MAGI1: variants seen among roughly 807,000 people sequenced by gnomAD.
The protein encoded by MAGI1 is membrane-associated guanylate kinase, WW and PDZ domain-containing protein 1.
MAGI1 carries 58 observed loss-of-function variants against 139.9 expected under a neutral mutation model. That is an observed-to-expected ratio of 0.41 (90% CI 0.34 to 0.52). The LOEUF (loss-of-function observed/expected upper bound fraction) is 0.52, where lower values mean the gene tolerates loss of function less well. MAGI1 is among the 20% of genes least tolerant of loss of function. The pLI is 0.12. For synonymous variants in MAGI1, 812 were observed against 737.9 expected, an observed-to-expected ratio of 1.10 and a Z score of -1.63; for missense variants, 1,874 against 1,901.6, an observed-to-expected ratio of 0.99 and a Z score of 0.27.
intron 2 of MAGI1, among the ~76,000 whole-genome samples, chr3:65,594,897 A>C (rs776804498): frequency 6.6e-6 from 1 of 152,298 alleles, no homozygotes; most frequent in Middle Eastern, 3.4e-3. Context: ...CCCAAATTCT[A>C]TTCCATGCAA....
At chr3:65,582,031 T>A (rs77112230) in intron 2 of MAGI1, among the ~76,000 whole-genome samples, 11,297 of 152,212 alleles carry the variant, frequency 0.074, 900 homozygotes, top group African/African-American at 0.2. Context: ...AGATTCAACA[T>A]GTAAAATGAC....
intron 1 of MAGI1, among the ~76,000 whole-genome samples, chr3:65,825,485 A>C (rs2042172913): frequency 1.3e-5 from 2 of 152,190 alleles, no homozygotes; most frequent in Non-Finnish European, 2.9e-5. Context: ...GAAATCGGCA[A>C]GTGCTATAAA....
Position 65,442,049 on chromosome 3 carries a change from A to C in MAGI1, c.1136+743T>G, listed in dbSNP as rs545622538. On this transcript the variant is annotated intron_variant, in intron 8 of 22. Coordinates refer to ENST00000402939, the MANE Select transcript of MAGI1 (RefSeq NM_001033057.2). Reference sequence around the variant, plus strand: ...AAGGGACTTTTATTAGTTACCTCTCATTTTTCTCTGAGGAAACTACATAAT... The same window carrying C: ...AAGGGACTTTTATTAGTTACCTCTCCTTTTTCTCTGAGGAAACTACATAAT... Among the ~76,000 whole-genome samples, 5 of 141,104 alleles carry C rather than the reference A, an allele frequency of 3.5e-5. No homozygotes were observed. In the East Asian group the frequency reaches 1.0e-3, roughly 29 times the overall value. 92.6% of individuals were successfully genotyped at this position (141,104 alleles called of 152,430 possible).
At chr3:65,571,454 T>C (rs941763987) in intron 2 of MAGI1, among the ~76,000 whole-genome samples, 1 of 152,080 alleles carries the variant, frequency 6.6e-6, no homozygotes, top group African/African-American at 2.4e-5. Context: ...TGATCTTAAA[T>C]TGAATCCCTA....
rs1243537570 is a variant in MAGI1 at position 65,974,407 on chromosome 3, G to GTGGATGGATGGATGGATGGA, written c.313+63569_313+63588dup. Among the ~76,000 whole-genome samples the GTGGATGGATGGATGGATGGA allele has an allele frequency of 6.9e-4, 47 of 67,986 alleles. 2 individuals carry two copies. The highest frequency in any genetic ancestry group is 2.0e-3 in the African/African-American group (32 of 16,274). The allele number at this position is 67,986 out of a possible 152,430, so 44.6% of individuals were successfully genotyped here. Reference sequence around the variant, plus strand: ...GGTGGCTGGGTGGATGGGTGGATGGGTGGATGGATGGATGGATGGATGGAT... The same window carrying GTGGATGGATGGATGGATGGA: ...GGTGGCTGGGTGGATGGGTGGATGGGTGGATGGATGGATGGATGGATGGATGGATGGATGGATGGATGGAT... On this transcript the variant is annotated intron_variant, in intron 1 of 22. Coordinates refer to ENST00000402939, the MANE Select transcript of MAGI1 (RefSeq NM_001033057.2).
chr3:65,614,893 G>A (rs985917686), intron 2 of MAGI1, among the ~76,000 whole-genome samples: 54 of 151,968 alleles, frequency 3.6e-4, no homozygotes, highest in Admixed American at 2.6e-3. Context: ...ATGGTGGCAT[G>A]TGTCTGTAGT....
At chr3:65,775,465 T>TC (rs1385107903) in intron 1 of MAGI1, among the ~76,000 whole-genome samples, 2 of 129,842 alleles carry the variant, frequency 1.5e-5, no homozygotes, top group African/African-American at 6.0e-5. Context: ...AAAAAAAAAT[T>TC]TTTTTAAGTG....
chr3:65,440,192 C>T (rs905083878), intron 8 of MAGI1, among the ~76,000 whole-genome samples, 180 bp from the exon 9 acceptor site: 1 of 152,158 alleles, frequency 6.6e-6, no homozygotes, highest in Non-Finnish European at 1.5e-5. Context: ...TTACTGACTG[C>T]TTATATGCAC....
chr3:65,695,072 C>T (rs2089030562), intron 1 of MAGI1, among the ~76,000 whole-genome samples: 1 of 152,096 alleles, frequency 6.6e-6, no homozygotes, highest in Non-Finnish European at 1.5e-5. Flanking sequence ...GGAAGAAGGT[C>T]CCCAAATTAA....
At chr3:65,814,797 C>A (rs2041497918) in intron 1 of MAGI1, among the ~76,000 whole-genome samples, 1 of 152,082 alleles carries the variant, frequency 6.6e-6, no homozygotes, top group Non-Finnish European at 1.5e-5. Flanking sequence ...GATTTCAATT[C>A]TATAGTGATT....
intron 16 of MAGI1, chr3:65,380,833 G>A (rs1333380696): frequency 6.6e-6 from 1 of 152,120 alleles, no homozygotes; most frequent in Non-Finnish European, 1.5e-5. Context: ...ACATGGAATA[G>A]TATGTTAAGA....
intron 14 of MAGI1, among the ~76,000 whole-genome samples, chr3:65,384,135 G>A (rs1943263381): frequency 6.6e-6 from 1 of 152,146 alleles, no homozygotes; most frequent in African/African-American, 2.4e-5. Flanking sequence ...TTATCTTTAA[G>A]TCACTTTCTT....
At chr3:65,594,658 T>A (rs1576423954) in intron 2 of MAGI1, among the ~76,000 whole-genome samples, 1 of 152,214 alleles carries the variant, frequency 6.6e-6, no homozygotes, top group East Asian at 1.9e-4. Context: ...ATTTGGGGTC[T>A]GATTATCAAC....
At chr3:65,770,482 T>C (rs532541392) in intron 1 of MAGI1, among the ~76,000 whole-genome samples, 33 of 152,146 alleles carry the variant, frequency 2.2e-4, no homozygotes, top group Non-Finnish European at 4.0e-4. Flanking sequence ...CCAGCAACCC[T>C]TAATAGGGGC....
intron 12 of MAGI1, among the ~76,000 whole-genome samples, chr3:65,428,080 G>A (rs1053990418): frequency 6.6e-6 from 1 of 152,040 alleles, no homozygotes; most frequent in African/African-American, 2.4e-5. Context: ...CTGTATTTTG[G>A]GTTTCCTTCA....
intron 12 of MAGI1, among the ~76,000 whole-genome samples, chr3:65,428,214 G>A (rs1947206934): frequency 6.6e-6 from 1 of 152,122 alleles, no homozygotes; most frequent in African/African-American, 2.4e-5. Flanking sequence ...TCTGGTTCTT[G>A]ATCTCTTTTC....
chr3:65,797,940 A>G (rs766008667), intron 1 of MAGI1, among the ~76,000 whole-genome samples: 3 of 152,152 alleles, frequency 2.0e-5, no homozygotes, highest in Non-Finnish European at 4.4e-5. Context: ...CATTACAGCT[A>G]TGGAGCAACA....
At chr3:65,429,383 T>C in intron 12 of MAGI1, 137 bp downstream of exon 12, 2 of 874,872 alleles carry the variant, frequency 2.3e-6, no homozygotes, top group Non-Finnish European at 3.5e-6. Flanking sequence ...AAGAGGTTAG[T>C]ATTTGGAGAA....
intron 1 of MAGI1, among the ~76,000 whole-genome samples, chr3:65,868,786 G>T (rs541933734): frequency 6.6e-6 from 1 of 152,098 alleles, no homozygotes; most frequent in Non-Finnish European, 1.5e-5. Context: ...AACAATTGTA[G>T]CTAGATTCTA....
Sources: allele counts gnomAD v4.1 joint callset (sites outside exome capture counted in the v4.1 genomes callset), GRCh38; gene constraint gnomAD v4.1.1; transcripts MANE v1.5; gene names NCBI Gene and HGNC (gene_info 2026-07-23, HGNC 2026-07-21).